The following FAM178B variants were observed in gnomAD, a reference collection of about 807,000 sequenced individuals.
The protein encoded by FAM178B is protein FAM178B.
Under a neutral mutation model 91.7 loss-of-function variants are expected in FAM178B, and 82 were observed. The ratio of observed to expected loss-of-function variants is 0.89; its 90% confidence interval spans 0.75 to 1.07. The LOEUF (loss-of-function observed/expected upper bound fraction) is 1.07. Among genes scored for constraint, FAM178B ranks in the 50% least tolerant of loss-of-function variants. FAM178B has a pLI of 0.00. For missense variants in FAM178B, 769 were observed against 846.7 expected, an observed-to-expected ratio of 0.91 and a Z score of 1.14; for synonymous variants, 368 against 359.4, an observed-to-expected ratio of 1.02 and a Z score of -0.27.
chr2:96,971,655 T>A (rs2082219588), intron 3 of FAM178B, among the ~76,000 whole-genome samples: 1 of 152,204 alleles, frequency 6.6e-6, no homozygotes, highest in Non-Finnish European at 1.5e-5. Flanking sequence ...ATCGAATTTG[T>A]TGCCACCCAA....
At chr2:96,878,947 A>G (rs1436496244) in intron 14 of FAM178B, among the ~76,000 whole-genome samples, 1 of 152,104 alleles carries the variant, frequency 6.6e-6, no homozygotes, top group Non-Finnish European at 1.5e-5. Flanking sequence ...AGATGGAGAG[A>G]TGGGAGCCGA....
Position 96,921,657 on chromosome 2 carries a change from GGA to G in FAM178B, c.1288-5_1288-4del. 1 of 1,551,124 alleles carries G rather than the reference GGA, an allele frequency of 6.4e-7. No individual in the cohort carries two copies. On this transcript the variant is annotated splice_region_variant and splice_polypyrimidine_tract_variant and intron_variant, in intron 10 of 16. Transcript: ENST00000490605. Reference sequence around the variant, plus strand: ...GCCTGGGCACACAGCGCCAGAAACTGGAGAGAGAAAAGAGGGCAGGGGTGGCC... The same window carrying G: ...GCCTGGGCACACAGCGCCAGAAACTGGAGAGAAAAGAGGGCAGGGGTGGCC...
chr2:96,983,714 G>C (rs916668891), intron 1 of FAM178B, among the ~76,000 whole-genome samples: 1 of 152,202 alleles, frequency 6.6e-6, no homozygotes, highest in Non-Finnish European at 1.5e-5. Flanking sequence ...GTGAGCCACT[G>C]CATCCAGCCA....
Position 96,926,416 on chromosome 2 carries a change from G to T in FAM178B, c.1193+2790C>A, listed in dbSNP as rs72942943. 8.8e-3 allele frequency among the ~76,000 whole-genome samples: 1,338 copies of T among 152,328 alleles called. 18 individuals are homozygous for T. Among genetic ancestry groups the T allele is most frequent in the African/African-American group, 0.03 (1,257 of 41,562 alleles). ...GCATCAGAGCAGGGCTCTAACTTCAGCTGGGCTTGGTAGCAGGAACAGCCT... is the reference window on the plus strand; with the variant it reads ...GCATCAGAGCAGGGCTCTAACTTCATCTGGGCTTGGTAGCAGGAACAGCCT... On this transcript the variant is annotated intron_variant, in intron 9 of 16. Transcript: ENST00000490605.
intron 16 of FAM178B, 145 bp from the exon 17 acceptor site, chr2:96,876,453 C>G: frequency 9.7e-7 from 1 of 1,030,984 alleles, no homozygotes; most frequent in Non-Finnish European, 1.4e-6. Flanking sequence ...TGGGTTCACA[C>G]TACTGGCGAG....
At chr2:96,961,109 T>C (rs904291173) in intron 5 of FAM178B, among the ~76,000 whole-genome samples, 1 of 151,764 alleles carries the variant, frequency 6.6e-6, no homozygotes, top group African/African-American at 2.4e-5. Flanking sequence ...GCTGGCCCCA[T>C]GGACAAAGAA....
intron 14 of FAM178B, among the ~76,000 whole-genome samples, chr2:96,892,589 A>C (rs2080708833): frequency 6.6e-6 from 1 of 152,158 alleles, no homozygotes; most frequent in Non-Finnish European, 1.5e-5. Context: ...CTGTTGAAAG[A>C]ATGTCTTCTG....
At chr2:96,960,768 G>T (rs1370496687) in intron 5 of FAM178B, among the ~76,000 whole-genome samples, 48 of 152,242 alleles carry the variant, frequency 3.2e-4, no homozygotes. Context: ...GTCAGGAATG[G>T]ACCACCCAGG....
chr2:96,927,888 C>G (rs1249820100), intron 9 of FAM178B, among the ~76,000 whole-genome samples: 2 of 152,194 alleles, frequency 1.3e-5, no homozygotes, highest in African/African-American at 4.8e-5. Flanking sequence ...GTTCATTTGT[C>G]TTTCTGAGTG....
At chr2:96,937,083 C>T (rs778348238) in intron 8 of FAM178B, among the ~76,000 whole-genome samples, 23 of 104,660 alleles carry the variant, frequency 2.2e-4, no homozygotes, top group African/African-American at 1.2e-3. Context: ...TTAGTAGAGA[C>T]GAGATTTCAC....
chr2:96,972,056 C>T lies in FAM178B; in HGVS notation c.409G>A (p.Val137Met), dbSNP rs1389698163. 6.5e-7 allele frequency: 1 copy of T among 1,548,434 alleles called. No individual in the cohort carries two copies. Among genetic ancestry groups the T allele is most frequent in the Admixed American group, 2.0e-5 (1 of 50,606 alleles). The change falls in exon 3 of 17, where the codon GTG becomes ATG. Residue 137 changes from valine (V) to methionine (M), a missense_variant. Val to Met is a conservative substitution (Grantham distance 21). Coordinates refer to ENST00000490605, the MANE Select transcript of FAM178B (RefSeq NM_001122646.3). The part of the protein sequence containing the change: ...REAPAQRWVG[V>M]VGPQGLRRLA... ...CTCCTCAGGCCCTGGGGGCCCACCACACCCACCCACCTCTGGGCCGGGGCC... is the reference window on the plus strand; with the variant it reads ...CTCCTCAGGCCCTGGGGGCCCACCATACCCACCCACCTCTGGGCCGGGGCC...
chr2:96,973,804 A>G (rs2082254906), intron 1 of FAM178B, among the ~76,000 whole-genome samples: 1 of 151,698 alleles, frequency 6.6e-6, no homozygotes, highest in African/African-American at 2.4e-5. Flanking sequence ...GTTCGAGACC[A>G]GCCTGGCCAA....
intron 1 of FAM178B, among the ~76,000 whole-genome samples, chr2:96,980,788 T>A (rs2082351277): frequency 6.6e-6 from 1 of 152,140 alleles, no homozygotes; most frequent in Non-Finnish European, 1.5e-5. Flanking sequence ...TATCTTTTTT[T>A]TTCAATTTTT....
chr2:96,886,024 T>A (rs935055245), intron 14 of FAM178B, among the ~76,000 whole-genome samples: 1 of 152,092 alleles, frequency 6.6e-6, no homozygotes, highest in Non-Finnish European at 1.5e-5. Context: ...TTTCACTTAC[T>A]GAATTGTCTC....
rs184850070 is a variant in FAM178B at position 96,910,284 on chromosome 2, C to T, written c.1563-7577G>A. On this transcript the variant is annotated intron_variant, in intron 12 of 16. Coordinates refer to ENST00000490605, the MANE Select transcript of FAM178B (RefSeq NM_001122646.3). The stretch of plus-strand genomic sequence containing the variant: ...GCCTCCAAAAGTCCCCATGGAGCCA[C>T]GGCCCCAACTTCATGTCTCCCAGGA... 6.6e-3 allele frequency among the ~76,000 whole-genome samples: 1,005 copies of T among 152,274 alleles called. 7 individuals are homozygous for T. The highest frequency in any genetic ancestry group is 0.023 in the African/African-American group (945 of 41,564).
intron 8 of FAM178B, among the ~76,000 whole-genome samples, chr2:96,937,803 A>G (rs545850524): frequency 6.6e-6 from 1 of 152,282 alleles, no homozygotes; most frequent in East Asian, 1.9e-4. Context: ...AGGCAGGCAG[A>G]TCGCTTGAGC....
intron 8 of FAM178B, among the ~76,000 whole-genome samples, chr2:96,937,838 T>C (rs1307099446): frequency 2.6e-5 from 4 of 151,954 alleles, no homozygotes; most frequent in Non-Finnish European, 5.9e-5. Flanking sequence ...CCAGCCTGGG[T>C]AACACAGTGA....
chr2:96,954,590 A>C (rs1393973540), intron 6 of FAM178B, among the ~76,000 whole-genome samples: 1 of 152,272 alleles, frequency 6.6e-6, no homozygotes, highest in Non-Finnish European at 1.5e-5. Context: ...TTAGAATCCC[A>C]AGTGATGGCC....
intron 6 of FAM178B, chr2:96,951,732 A>G (rs904181724): frequency 2.4e-6 from 1 of 416,418 alleles, no homozygotes; most frequent in East Asian, 5.0e-5. Context: ...TTTAAAACAC[A>G]TGGCGGGTGG....
Sources: gnomAD v4.1 joint callset for allele counts (sites outside exome capture counted in the v4.1 genomes callset) on GRCh38, gnomAD v4.1.1 for gene constraint, MANE v1.5 for transcripts, NCBI Gene and HGNC (gene_info 2026-07-23, HGNC 2026-07-21) for gene names.